Variants in PRDM6 observed in about 807,000 individuals in gnomAD.
PRDM6 encodes the protein PR/SET domain 6.
A neutral mutation model predicts 60.8 loss-of-function variants in PRDM6; 25 were observed. The observed-to-expected ratio is 0.41, with a 90% confidence interval of 0.30 to 0.57. PRDM6 has a LOEUF of 0.57. Ranked by LOEUF, PRDM6 falls within the 20% of genes least tolerant of loss-of-function variation. PRDM6 has a pLI of 0.27. For missense variants in PRDM6, 839 were observed against 821.3 expected (o/e 1.02, Z -0.26); for synonymous variants, 407 against 357.4 (o/e 1.14, Z -1.57).
At chr5:123,091,038 G>T (rs1160104856) in intron 2 of PRDM6, among the ~76,000 whole-genome samples, 1 of 152,170 alleles carries the variant, frequency 6.6e-6, no homozygotes, top group Non-Finnish European at 1.5e-5. Flanking sequence ...CAGCGTCTCT[G>T]GGGAGCACGC....
intron 3 of PRDM6, among the ~76,000 whole-genome samples, chr5:123,129,795 A>T (rs1764780306): frequency 6.6e-6 from 1 of 152,170 alleles, no homozygotes; most frequent in Non-Finnish European, 1.5e-5. Flanking sequence ...CCTTTCCTTT[A>T]TTTCATTAAA....
chr5:123,098,338 G>A (rs1210180741), intron 2 of PRDM6, among the ~76,000 whole-genome samples: 1 of 152,240 alleles, frequency 6.6e-6, no homozygotes, highest in Non-Finnish European at 1.5e-5. Flanking sequence ...CTTGCGCGGG[G>A]TCGCCGTGGC....
chr5:123,090,330 G>T lies in PRDM6; in HGVS notation c.316G>T (p.Ala106Ser). 6.8e-7 allele frequency: 1 copy of T among 1,479,924 alleles called. No individual in the cohort carries two copies. The highest frequency in any genetic ancestry group is 1.5e-5 in the African/African-American group (1 of 68,352). 91.7% of individuals were successfully genotyped at this position (1,479,924 alleles called of 1,614,324 possible). ...CAAAAAAAAL[A>S]GLSALPVSQL... ...TGCTGCGGCCGCTGCCGCCGCGCTG[G>T]CTGGTCTCTCGGCCCTGCCGGTGTC... Residue 106 changes from alanine to serine, a missense_variant, in exon 2 of 8, where the codon GCT (alanine) becomes TCT (serine). Physicochemically the swap from Ala to Ser is moderately conservative, Grantham distance 99. Coordinates refer to ENST00000407847, the MANE Select transcript of PRDM6 (RefSeq NM_001136239.4).
chr5:123,093,514 C>T (rs955283488), intron 2 of PRDM6, among the ~76,000 whole-genome samples: 2 of 152,166 alleles, frequency 1.3e-5, no homozygotes, highest in South Asian at 2.1e-4. Flanking sequence ...TTCCTAACTC[C>T]GTATCAGTTT....
intron 3 of PRDM6, among the ~76,000 whole-genome samples, chr5:123,155,262 C>CTTTTT (rs759225954): frequency 2.5e-4 from 23 of 92,706 alleles, no homozygotes; most frequent in East Asian, 8.3e-4. Flanking sequence ...GAGGGTCTCT[C>CTTTTT]TTTTTTTTTT....
chr5:123,134,836 C>T (rs1764916990), intron 3 of PRDM6, among the ~76,000 whole-genome samples: 1 of 152,136 alleles, frequency 6.6e-6, no homozygotes, highest in Admixed American at 6.6e-5. Flanking sequence ...AGGCAGAGAT[C>T]TGCAATAGAA....
chr5:123,172,417 T>C (rs1765913082), intron 6 of PRDM6, among the ~76,000 whole-genome samples: 1 of 152,208 alleles, frequency 6.6e-6, no homozygotes, highest in Non-Finnish European at 1.5e-5. Context: ...TTATTTTCAA[T>C]AGGCGAGCCC....
In PRDM6 at chr5:123,192,764, C is replaced by T. The variant is rs2126899639; in HGVS notation, c.*5563C>T. ...CATCCTCAACGGGGCTAAGTGAAAT[C>T]TCGTTTTCTTTCTTTGTTCTGACTG... On this transcript the variant is annotated 3_prime_UTR_variant, in exon 8 of 8. Transcript: ENST00000407847. 6.6e-6 allele frequency: 1 copy of T among 152,308 alleles called. No individual in the cohort carries two copies. The highest frequency in any genetic ancestry group is 1.9e-4 in the East Asian group (1 of 5,182). 9.4% of individuals were successfully genotyped at this position (152,308 alleles called of 1,614,324 possible). A position where few individuals can be genotyped will look rare whatever the true frequency, so the allele number is the denominator to read the frequency against.
intron 7 of PRDM6, among the ~76,000 whole-genome samples, chr5:123,183,152 G>A (rs1031475964): frequency 2.0e-5 from 3 of 152,090 alleles, no homozygotes; most frequent in Non-Finnish European, 4.4e-5. Flanking sequence ...TCAACTAATG[G>A]GTATTGGCTT....
intron 3 of PRDM6, among the ~76,000 whole-genome samples, chr5:123,121,044 G>A (rs71594330): frequency 0.012 from 1,877 of 152,254 alleles, 19 homozygotes; most frequent in Middle Eastern, 0.054. Flanking sequence ...GTTTATAAAT[G>A]TTAACTCACT....
chr5:123,131,666 G>C (rs969917187), intron 3 of PRDM6, among the ~76,000 whole-genome samples: 10 of 152,128 alleles, frequency 6.6e-5, no homozygotes, highest in Non-Finnish European at 1.2e-4. Context: ...TGATGCATCG[G>C]AGTCATAAAT....
intron 3 of PRDM6, among the ~76,000 whole-genome samples, chr5:123,124,879 T>G (rs942160063): frequency 2.0e-4 from 30 of 152,240 alleles, no homozygotes; most frequent in African/African-American, 7.2e-4. Flanking sequence ...AATAAAGATA[T>G]TCTACATACA....
chr5:123,111,507 G>A (rs179935), intron 3 of PRDM6, among the ~76,000 whole-genome samples: 1 of 152,124 alleles, frequency 6.6e-6, no homozygotes, highest in African/African-American at 2.4e-5. Flanking sequence ...GACCATCCTA[G>A]CTAACACGGT....
intron 4 of PRDM6, 71 bp downstream of exon 4, chr5:123,156,082 C>A: frequency 7.0e-7 from 1 of 1,418,768 alleles, no homozygotes; most frequent in Non-Finnish European, 9.4e-7. Context: ...TTCAGGCTTG[C>A]CACTGGTGGG....
chr5:123,166,115 C>T (rs1765746375), intron 5 of PRDM6, among the ~76,000 whole-genome samples: 1 of 152,238 alleles, frequency 6.6e-6, no homozygotes, highest in Admixed American at 6.5e-5. Context: ...GCCTGTCCAT[C>T]TCCCACAGGC....
At chr5:123,110,211 C>T (rs551798485) in intron 3 of PRDM6, among the ~76,000 whole-genome samples, 37 of 150,086 alleles carry the variant, frequency 2.5e-4, no homozygotes, top group Admixed American at 1.2e-3. Flanking sequence ...TCATAAAGAA[C>T]AAAAATTTTG....
chr5:123,127,919 G>A (rs1764729840), intron 3 of PRDM6, among the ~76,000 whole-genome samples: 1 of 150,294 alleles, frequency 6.7e-6, no homozygotes, highest in Non-Finnish European at 1.5e-5. Flanking sequence ...CCTTCCCCCA[G>A]CCCCCGACCC....
chr5:123,126,700 A>T (rs1295999892), intron 3 of PRDM6, among the ~76,000 whole-genome samples: 1 of 152,160 alleles, frequency 6.6e-6, no homozygotes, highest in Admixed American at 6.5e-5. Context: ...TTTTCTTAGA[A>T]TGTAGGAAAT....
rs149545357 is a variant in PRDM6, at chr5:123,139,569, T to C, written c.901-16315T>C. 2.0e-5 allele frequency among the ~76,000 whole-genome samples: 3 copies of C among 152,274 alleles called. No individual in the cohort carries two copies. The East Asian group carries it at 5.8e-4, about 29-fold the overall frequency. On this transcript the variant is annotated intron_variant, in intron 3 of 7. Transcript: ENST00000407847. ...ATGGTGTGGTCCATAGATTCTTTGT[T>C]GTTCTTGAAAGGGTCTTTAGAGAAT...
Sources: allele counts gnomAD v4.1 joint callset (sites outside exome capture counted in the v4.1 genomes callset), GRCh38; gene constraint gnomAD v4.1.1; transcripts MANE v1.5; gene names NCBI Gene and HGNC (gene_info 2026-07-23, HGNC 2026-07-21).